PDSS2: variants seen among roughly 807,000 people sequenced by gnomAD.
PDSS2 encodes the protein decaprenyl diphosphate synthase subunit 2.
PDSS2 carries 31 observed loss-of-function variants against 44.5 expected under a neutral mutation model. The observed-to-expected ratio is 0.70, with a 90% CI of 0.52 to 0.94. The LOEUF is 0.94. PDSS2 is among the 40% of genes least tolerant of loss of function. The probability of loss-of-function intolerance (pLI) is 0.00; values close to 1 mark genes in which losing one functional copy is unlikely to be tolerated. For missense variants in PDSS2, 452 were observed against 482.2 expected (o/e 0.94, Z 0.59); for synonymous variants, 157 against 180.3 (o/e 0.87, Z 1.03).
intron 3 of PDSS2, among the ~76,000 whole-genome samples, chr6:107,271,255 GA>G (rs996247981): frequency 4.6e-5 from 7 of 151,618 alleles, no homozygotes; most frequent in African/African-American, 1.7e-4. Flanking sequence ...ACTTTCTTAA[GA>G]AAAAAAATCA....
chr6:107,350,859 A>G (rs953063986), intron 1 of PDSS2, among the ~76,000 whole-genome samples: 2 of 152,030 alleles, frequency 1.3e-5, no homozygotes, highest in African/African-American at 4.8e-5. Flanking sequence ...TCAGACAGTC[A>G]TTATCTTTTC....
intron 1 of PDSS2, among the ~76,000 whole-genome samples, chr6:107,354,953 G>A (rs939595986): frequency 5.3e-5 from 8 of 149,866 alleles, no homozygotes; most frequent in African/African-American, 2.0e-4. Context: ...TTTTTGAGAC[G>A]CAGTTCCACT....
intron 3 of PDSS2, among the ~76,000 whole-genome samples, chr6:107,250,188 C>T (rs1774768063): frequency 6.6e-6 from 1 of 151,524 alleles, no homozygotes; most frequent in South Asian, 2.1e-4. Flanking sequence ...TGACCCCCCC[C>T]CGCAAAAAAA....
chr6:107,405,703 C>T (rs1015024591), intron 1 of PDSS2, among the ~76,000 whole-genome samples: 6 of 151,796 alleles, frequency 4.0e-5, no homozygotes, highest in East Asian at 1.9e-4. Context: ...AAAAATTAGC[C>T]GGGCGTAGCG....
chr6:107,221,965 A>G (rs371169341), intron 4 of PDSS2, among the ~76,000 whole-genome samples: 1 of 152,204 alleles, frequency 6.6e-6, no homozygotes. Flanking sequence ...AGTTAAAAGT[A>G]CTTTTTAAAA....
intron 2 of PDSS2, among the ~76,000 whole-genome samples, chr6:107,289,515 C>G (rs1400172763): frequency 6.6e-6 from 1 of 151,872 alleles, no homozygotes; most frequent in Non-Finnish European, 1.5e-5. Flanking sequence ...GCCTGGGCAA[C>G]ACGGCGAAAC....
intron 2 of PDSS2, among the ~76,000 whole-genome samples, chr6:107,292,733 C>T (rs546712432): frequency 6.6e-6 from 1 of 152,234 alleles, no homozygotes; most frequent in South Asian, 2.1e-4. Flanking sequence ...ACTGTCAACA[C>T]ATAATTATCC....
chr6:107,240,983 A>C (rs2114781798), intron 4 of PDSS2, among the ~76,000 whole-genome samples: 1 of 152,208 alleles, frequency 6.6e-6, no homozygotes, highest in South Asian at 2.1e-4. Context: ...TAGTACAGTA[A>C]GTATGAGTAA....
intron 4 of PDSS2, among the ~76,000 whole-genome samples, chr6:107,240,381 A>G: frequency 6.7e-6 from 1 of 148,840 alleles, no homozygotes; most frequent in South Asian, 2.1e-4. Context: ...AGTCTGGATG[A>G]TAGAGTGAGA....
At chr6:107,333,930 G>C (rs1777791339) in intron 2 of PDSS2, among the ~76,000 whole-genome samples, 1 of 152,164 alleles carries the variant, frequency 6.6e-6, no homozygotes, top group African/African-American at 2.4e-5. Context: ...ATAATAAGGG[G>C]AGGGAGAAGT....
At chr6:107,327,879 G>C (rs1409708379) in intron 2 of PDSS2, among the ~76,000 whole-genome samples, 1 of 152,216 alleles carries the variant, frequency 6.6e-6, no homozygotes, top group Non-Finnish European at 1.5e-5. Flanking sequence ...CTGAACTACA[G>C]GTTGCAAAGG....
intron 7 of PDSS2, among the ~76,000 whole-genome samples, chr6:107,184,153 C>G (rs755408337): frequency 6.6e-6 from 1 of 151,960 alleles, no homozygotes; most frequent in Non-Finnish European, 1.5e-5. Flanking sequence ...AGCATCTGCC[C>G]AAGAAAGGGG....
intron 3 of PDSS2, among the ~76,000 whole-genome samples, chr6:107,249,625 A>G (rs1195489281): frequency 1.3e-5 from 2 of 152,174 alleles, no homozygotes; most frequent in East Asian, 1.9e-4. Flanking sequence ...AGTTTGGGTC[A>G]TATGTTGAAA....
rs890983060 is a variant in PDSS2 at position 107,397,324 on chromosome 6, C to T, written c.296+61666G>A. Among the ~76,000 whole-genome samples, 8 of 152,052 alleles carry T rather than the reference C, an allele frequency of 5.3e-5. No homozygotes were observed. In the South Asian group the frequency reaches 1.7e-3, roughly 32 times the overall value. ...GAAGGTAAAACTGTTGGAGACTTAA[C>T]ATGAATCAAGGCAGTGGCACCCAAT... is the stretch of plus-strand genomic sequence containing the variant. On this transcript the variant is annotated intron_variant, in intron 1 of 7. Coordinates refer to ENST00000369037, the MANE Select transcript of PDSS2 (RefSeq NM_020381.4).
chr6:107,374,683 G>A lies in PDSS2; in HGVS notation c.297-40351C>T, dbSNP rs543301142. On this transcript the variant is annotated intron_variant, in intron 1 of 7. Coordinates refer to ENST00000369037, the MANE Select transcript of PDSS2 (RefSeq NM_020381.4). Reference sequence around the variant, plus strand: ...CTTCCTAGGGAAGACGGTGCTGGACGTAAACCCTTTTCACAGTATCTTTTT... The same window carrying A: ...CTTCCTAGGGAAGACGGTGCTGGACATAAACCCTTTTCACAGTATCTTTTT... Among the ~76,000 whole-genome samples, 5 of 152,292 alleles carry A rather than the reference G, an allele frequency of 3.3e-5. No individual in the cohort carries two copies. The South Asian group carries it at 1.0e-3, about 32-fold the overall frequency.
chr6:107,307,112 AT>A (rs1172038431), intron 2 of PDSS2, among the ~76,000 whole-genome samples: 1 of 152,236 alleles, frequency 6.6e-6, no homozygotes, highest in Non-Finnish European at 1.5e-5. Flanking sequence ...GTAGGCACAC[AT>A]TCTGTGAACA....
At chr6:107,191,860 C>T (rs760746982) in intron 7 of PDSS2, among the ~76,000 whole-genome samples, 1 of 152,168 alleles carries the variant, frequency 6.6e-6, no homozygotes, top group Non-Finnish European at 1.5e-5. Context: ...GGTCCTCCCA[C>T]CTCAGCCTCT....
intron 1 of PDSS2, among the ~76,000 whole-genome samples, chr6:107,353,297 TAAG>T (rs1412492292): frequency 6.6e-6 from 1 of 152,210 alleles, no homozygotes; most frequent in Non-Finnish European, 1.5e-5. Flanking sequence ...TCTAGATTAA[TAAG>T]AATAACAATA....
At chr6:107,448,701 T>A (rs1234276903) in intron 1 of PDSS2, among the ~76,000 whole-genome samples, 1 of 152,196 alleles carries the variant, frequency 6.6e-6, no homozygotes, top group Non-Finnish European at 1.5e-5. Flanking sequence ...TTCAGATATC[T>A]TTATAGCAGC....
Sources: allele counts gnomAD v4.1 joint callset (sites outside exome capture counted in the v4.1 genomes callset), GRCh38; gene constraint gnomAD v4.1.1; transcripts MANE v1.5; gene names NCBI Gene and HGNC (gene_info 2026-07-23, HGNC 2026-07-21).